Variants in STAT5A observed in about 807,000 individuals in gnomAD.
The protein encoded by STAT5A is epididymis secretory sperm binding protein.
Under a neutral mutation model 100.2 loss-of-function variants are expected in STAT5A, and 26 were observed. The ratio of observed to expected loss-of-function variants is 0.26; its 90% CI spans 0.19 to 0.36. The LOEUF is 0.36. Ranked by LOEUF, STAT5A falls within the 10% of genes least tolerant of loss-of-function variation. The pLI, the probability that STAT5A is intolerant of heterozygous loss-of-function variation, is 1.00. For missense variants in STAT5A, 634 were observed against 1,027.5 expected (o/e 0.62, Z 5.24); for synonymous variants, 330 against 424.3 (o/e 0.78, Z 2.73).
At chr17:42,289,028 G>T (rs1326323178) in intron 1 of STAT5A, among the ~76,000 whole-genome samples, 1 of 152,248 alleles carries the variant, frequency 6.6e-6, no homozygotes, top group Non-Finnish European at 1.5e-5. Context: ...CAGAAACCGG[G>T]CCCGAGGTGG....
chr17:42,293,340 G>A (rs376548049), intron 4 of STAT5A, among the ~76,000 whole-genome samples: 158 of 152,162 alleles, frequency 1.0e-3, no homozygotes, highest in African/African-American at 3.7e-3. Context: ...AAGTAGCTAG[G>A]ATTACAGGGG....
At chr17:42,295,126 G>A (rs1199614492) in intron 4 of STAT5A, among the ~76,000 whole-genome samples, 2 of 152,122 alleles carry the variant, frequency 1.3e-5, no homozygotes, top group South Asian at 4.1e-4. Context: ...TCTTCCTTCA[G>A]TCACAAGGGG....
intron 9 of STAT5A, among the ~76,000 whole-genome samples, chr17:42,303,369 G>A (rs2080999295): frequency 6.6e-6 from 1 of 152,108 alleles, no homozygotes; most frequent in Admixed American, 6.5e-5. Context: ...CACTTTAAAA[G>A]ATCAGGCAGG....
chr17:42,289,287 G>A lies in STAT5A; in HGVS notation c.-10-115G>A. The A allele has an allele frequency of 1.7e-6, 2 of 1,194,184 alleles. 1 individual carries two copies. The highest frequency in any genetic ancestry group is 3.5e-5 in the South Asian group (2 of 57,260). The allele number at this position is 1,194,184 out of a possible 1,614,324, so 74.0% of individuals were successfully genotyped here. On this transcript the variant is annotated intron_variant, in intron 1 of 18. Transcript: ENST00000590949. ...CGCACAGGAAAGCTATCTGTGGGAG[G>A]GGAGGGGCCTGGCCTGGCCGCGGTC...
intron 5 of STAT5A, among the ~76,000 whole-genome samples, chr17:42,296,540 G>C (rs994674614): frequency 2.0e-5 from 3 of 152,206 alleles, no homozygotes; most frequent in African/African-American, 7.2e-5. Flanking sequence ...GTGAGAACAA[G>C]GGGTGTCAAA....
In STAT5A at chr17:42,308,757, T is replaced by C. The variant is rs918991672; in HGVS notation, c.2063-290T>C. 4.0e-6 allele frequency: 2 copies of C among 504,016 alleles called. No individual in the cohort carries two copies. The highest frequency in any genetic ancestry group is 3.6e-6 in the Non-Finnish European group (1 of 280,588). The allele number at this position is 504,016 out of a possible 1,614,324, so 31.2% of individuals were successfully genotyped here. A position where few individuals can be genotyped will look rare whatever the true frequency, so the allele number is the denominator to read the frequency against. On this transcript the variant is annotated intron_variant, in intron 16 of 18. Transcript: ENST00000590949. This position sits in a 1 kb window ranked among gnomAD's most constrained non-coding sequence, Gnocchi z 4.6. ...TCTTCTTCCAGCTGCCCCAAATCCA[T>C]TGGTTGGGTTTGCTTGTTGATTCTC...
intron 3 of STAT5A, among the ~76,000 whole-genome samples, chr17:42,290,449 A>G (rs2144493549): frequency 6.6e-6 from 1 of 152,308 alleles, no homozygotes; most frequent in African/African-American, 2.4e-5. Context: ...GTTTAGAAAT[A>G]AGATGTAGCT....
intron 4 of STAT5A, among the ~76,000 whole-genome samples, chr17:42,294,214 T>TA (rs57901917): frequency 0.28 from 40,040 of 141,688 alleles, 5,468 homozygotes; most frequent in South Asian, 0.42. Flanking sequence ...AGACTCTGTA[T>TA]AAAAAAAAAA....
At chr17:42,306,492 CTGT>C in intron 13 of STAT5A, 45 bp downstream of exon 13, 1 of 1,573,346 alleles carries the variant, frequency 6.4e-7, no homozygotes, top group East Asian at 2.4e-5. Flanking sequence ...CCACCGGGGT[CTGT>C]TGCTCCTCCA....
intron 5 of STAT5A, among the ~76,000 whole-genome samples, chr17:42,298,934 T>A (rs2080947516): frequency 6.6e-6 from 1 of 152,052 alleles, no homozygotes. Context: ...GCATCCCCAG[T>A]GGCCCTGGAC....
Position 42,290,012 on chromosome 17 carries a change from C to G in STAT5A, c.275C>G (p.Thr92Arg), listed in dbSNP as rs777761052. The G allele has an allele frequency of 1.2e-5, 19 of 1,612,348 alleles. No homozygotes were observed. Among genetic ancestry groups the G allele is most frequent in the Admixed American group, 3.3e-5 (2 of 59,842 alleles). The stretch of plus-strand genomic sequence containing the variant: ...AAGATCAAGCTGGGGCACTACGCCA[C>G]GCAGCTCCAGGTGGGTGTAGGCTCT... ...LLKIKLGHYATQLQKTYDRCP... is the reference protein window; with the variant it reads ...LLKIKLGHYARQLQKTYDRCP... The change falls in exon 3 of 19, where the codon ACG (threonine) becomes AGG (arginine). Residue 92 changes from threonine (T) to arginine (R), a missense_variant. Transcript: ENST00000590949.
In STAT5A at chr17:42,307,663, T is replaced by C. The variant is rs2081042696; in HGVS notation, c.1846T>C (p.Leu616=). The C allele has an allele frequency of 6.2e-7, 1 of 1,613,980 alleles. No homozygotes were observed. Among genetic ancestry groups the C allele is most frequent in the Non-Finnish European group, 8.5e-7 (1 of 1,180,016 alleles). ...CATCAACAAGCCCGACGGGACCTTC[T>C]TGTTGCGCTTTAGTGACTCAGAAAT... ...LLINKPDGTF[L]LRFSDSEIGG... The change falls in exon 15 of 19, where the codon TTG becomes CTG. Residue 616 remains leucine, a synonymous_variant. Transcript: ENST00000590949.
At chr17:42,309,186 T>C in intron 17 of STAT5A, 88 bp downstream of exon 17, 1 of 1,608,626 alleles carries the variant, frequency 6.2e-7, no homozygotes, top group Non-Finnish European at 8.5e-7. Flanking sequence ...GGCCCAGCTT[T>C]CCGCTCCCCC....
chr17:42,295,291 G>A (rs547693696), intron 4 of STAT5A, among the ~76,000 whole-genome samples: 90 of 152,274 alleles, frequency 5.9e-4, no homozygotes, highest in African/African-American at 2.1e-3. Flanking sequence ...GACGTGTTGA[G>A]TTCTAGTCCC....
At position 42,292,141 on chromosome 17, in the gene STAT5A, A is replaced by G. The variant is rs999755292; in HGVS notation, c.375+80A>G. On this transcript the variant is annotated intron_variant, in intron 4 of 18. Transcript: ENST00000590949. ...TCTCTCCAGAAACAACTGTGTTTAT[A>G]TAAAACAGCAGCACGAGGAGAGCAC... 8 of 1,525,758 alleles carry G rather than the reference A, an allele frequency of 5.2e-6. No individual in the cohort carries two copies. In the African/African-American group the frequency reaches 8.2e-5, roughly 16 times the overall value. 94.5% of individuals were successfully genotyped at this position (1,525,758 alleles called of 1,614,324 possible).
chr17:42,300,934 T>C lies in STAT5A; in HGVS notation c.989+64T>C, dbSNP rs1011252049. ...CAGCTCCTGCCTGCGTGGGGGGAGC[T>C]GCAGGTGCCTTCCAGACCAGCAGAT... is the stretch of plus-strand genomic sequence containing the variant. On this transcript the variant is annotated intron_variant, in intron 8 of 18. Coordinates refer to ENST00000590949, the MANE Select transcript of STAT5A (RefSeq NM_001288718.2). 4.5e-4 allele frequency: 716 copies of C among 1,608,460 alleles called. 7 individuals are homozygous for C. In the East Asian group the frequency reaches 8.4e-3, roughly 19 times the overall value.
At chr17:42,292,633 T>A (rs1312179028) in intron 4 of STAT5A, among the ~76,000 whole-genome samples, 1 of 141,152 alleles carries the variant, frequency 7.1e-6, no homozygotes, top group African/African-American at 2.7e-5. Context: ...CGCCTACTGT[T>A]TTTTCCCCCC....
Position 42,309,456 on chromosome 17 carries a change from C to T in STAT5A, c.2194C>T (p.Gln732Ter). ...DQAPSPAVCP[Q>*]APYNMYPQNP... ...GGCCCCCTCCCCAGCTGTGTGCCCCCAGGCTCCCTATAACATGTACCCACA... is the reference window on the plus strand; with the variant it reads ...GGCCCCCTCCCCAGCTGTGTGCCCCTAGGCTCCCTATAACATGTACCCACA... Residue 732 changes from glutamine (Q) to a stop codon, truncating the protein, a stop_gained, in exon 18 of 19, where the codon CAG becomes TAG. Coordinates refer to ENST00000590949, the MANE Select transcript of STAT5A (RefSeq NM_001288718.2). LOFTEE classifies it low-confidence loss of function (END_TRUNC). 1 of 1,614,058 alleles carries T rather than the reference C, an allele frequency of 6.2e-7. No individual in the cohort carries two copies. The highest frequency in any genetic ancestry group is 8.5e-7 in the Non-Finnish European group (1 of 1,179,980).
In STAT5A at chr17:42,310,504, C is replaced by T; in HGVS notation, c.2223-3C>T. 1 of 1,614,138 alleles carries T rather than the reference C, an allele frequency of 6.2e-7. No individual in the cohort carries two copies. The highest frequency in any genetic ancestry group is 8.5e-7 in the Non-Finnish European group (1 of 1,180,010). ...CCCTCTGACATCCCCCTGTCTTTAC[C>T]AGCCCTGACCATGTACTCGATCAGG... On this transcript the variant is annotated splice_polypyrimidine_tract_variant and splice_region_variant and intron_variant, in intron 18 of 18. Transcript: ENST00000590949.
Sources: allele counts gnomAD v4.1 joint callset (sites outside exome capture counted in the v4.1 genomes callset), GRCh38; gene constraint gnomAD v4.1.1; non-coding constraint Gnocchi (gnomAD v3.1); transcripts MANE v1.5; gene names NCBI Gene and HGNC (gene_info 2026-07-23, HGNC 2026-07-21).